Variants in ANK3 observed in about 807,000 individuals in gnomAD.
ANK3 encodes ankyrin 3, also known as ankyrin-3.
In ANK3, 57 loss-of-function variants were observed where a neutral mutation model predicts 370.9. That is an observed-to-expected ratio of 0.15 (90% CI 0.12 to 0.19). The LOEUF is 0.19. Among genes scored for constraint, ANK3 ranks in the 10% least tolerant of loss-of-function variants. The pLI is 1.00. For synonymous variants in ANK3, 1,929 were observed against 1,946.3 expected, an observed-to-expected ratio of 0.99 and a Z score of 0.23; for missense variants, 4,439 against 5,302.1, an observed-to-expected ratio of 0.84 and a Z score of 5.06.
chr10:60,157,031 C>T (rs895211722), intron 23 of ANK3, among the ~76,000 whole-genome samples: 7 of 133,348 alleles, frequency 5.2e-5, no homozygotes, highest in African/African-American at 2.0e-4. Context: ...TGTGGAAGCT[C>T]AATGAATCTT....
intron 1 of ANK3, chr10:60,684,786 T>C: frequency 1.3e-6 from 2 of 1,553,552 alleles, no homozygotes; most frequent in Non-Finnish European, 1.8e-6. Context: ...GATGCACAGA[T>C]GGCATTTTAT....
intron 2 of ANK3, among the ~76,000 whole-genome samples, chr10:60,533,107 T>C (rs912584284): frequency 5.9e-5 from 9 of 152,172 alleles, no homozygotes; most frequent in African/African-American, 2.2e-4. Flanking sequence ...GCTGTTCTCA[T>C]GAACTCAGCT....
chr10:60,542,924 C>T (rs2076881862), intron 2 of ANK3, among the ~76,000 whole-genome samples: 1 of 151,922 alleles, frequency 6.6e-6, no homozygotes, highest in Non-Finnish European at 1.5e-5. Flanking sequence ...GTAATTAACA[C>T]CCTACATACC....
chr10:60,352,969 G>C (rs1281116975), intron 1 of ANK3, among the ~76,000 whole-genome samples: 1 of 151,928 alleles, frequency 6.6e-6, no homozygotes, highest in Non-Finnish European at 1.5e-5. Flanking sequence ...ATGAAAAATA[G>C]GAGGTGTGAA....
At chr10:60,582,046 TCA>T (rs1390662276) in intron 2 of ANK3, among the ~76,000 whole-genome samples, 1 of 152,062 alleles carries the variant, frequency 6.6e-6, no homozygotes, top group African/African-American at 2.4e-5. Context: ...TGGCATATTC[TCA>T]CTCATAAGTG....
chr10:60,372,437 C>CGT (rs10673426), intron 1 of ANK3, among the ~76,000 whole-genome samples: 37,484 of 151,982 alleles, frequency 0.25, 4,848 homozygotes, highest in East Asian at 0.34. Context: ...AAACAGGGAG[C>CGT]GTTTAACTTG....
At chr10:60,095,537 C>T (rs754922741) in intron 28 of ANK3, among the ~76,000 whole-genome samples, 112 of 152,256 alleles carry the variant, frequency 7.4e-4, no homozygotes, top group East Asian at 1.9e-3. Flanking sequence ...TACATCACCA[C>T]GCCCTGCTAA....
chr10:60,452,738 T>C (rs543019024), intron 2 of ANK3, among the ~76,000 whole-genome samples: 1 of 152,366 alleles, frequency 6.6e-6, no homozygotes, highest in Non-Finnish European at 1.5e-5. Flanking sequence ...TTAAATTGTT[T>C]GCAGGTTTTC....
chr10:60,525,807 G>A (rs765275713), intron 2 of ANK3, among the ~76,000 whole-genome samples: 7 of 152,076 alleles, frequency 4.6e-5, no homozygotes, highest in South Asian at 2.1e-4. Flanking sequence ...GCATGCGAAC[G>A]CACTTTGTAA....
At chr10:60,723,543 C>A (rs2079894927) in intron 1 of ANK3, among the ~76,000 whole-genome samples, 1 of 152,152 alleles carries the variant, frequency 6.6e-6, no homozygotes, top group Non-Finnish European at 1.5e-5. Context: ...CAGTTTCTCT[C>A]CAGCTTCTAT....
chr10:60,567,193 T>C (rs1387047978), intron 2 of ANK3, among the ~76,000 whole-genome samples: 1 of 152,194 alleles, frequency 6.6e-6, no homozygotes. Context: ...GAGAAGATCC[T>C]ACCTAGGACT....
At chr10:60,330,916 C>A (rs2051095394) in intron 1 of ANK3, among the ~76,000 whole-genome samples, 1 of 152,138 alleles carries the variant, frequency 6.6e-6, no homozygotes, top group Non-Finnish European at 1.5e-5. Flanking sequence ...CACATATACC[C>A]CATGGAATAC....
rs1437594381 is a variant in ANK3 at position 60,572,741 on chromosome 10, G to C, written c.96+42445C>G. 4 of 1,356,966 alleles carry C rather than the reference G, an allele frequency of 2.9e-6. No individual in the cohort carries two copies. The Admixed American group carries it at 1.4e-4, about 48-fold the overall frequency. The allele number at this position is 1,356,966 out of a possible 1,614,324, so 84.1% of individuals were successfully genotyped here. A position where few individuals can be genotyped will look rare whatever the true frequency, so the allele number is the denominator to read the frequency against. Reference sequence around the variant, plus strand: ...TTCAGCTTTCCTCAGGAAGAAACTGGGTGTTCTCTATATCAAACAGTCAAT... The same window carrying C: ...TTCAGCTTTCCTCAGGAAGAAACTGCGTGTTCTCTATATCAAACAGTCAAT... On this transcript the variant is annotated intron_variant, in intron 2 of 43. Transcript: ENST00000373827.
At chr10:60,055,473 T>TTTTTTTTACCTATGTGTTTAACTCAGTAC (rs1280373521) in intron 42 of ANK3, among the ~76,000 whole-genome samples, 185 bp downstream of exon 42, 4 of 152,194 alleles carry the variant, frequency 2.6e-5, no homozygotes, top group African/African-American at 9.7e-5. Context: ...CTTGGAACTT[T>TTTTTTTTACCTATGTGTTTAACTCAGTAC]TTTTTTTACC....
intron 2 of ANK3, chr10:60,615,122 T>C (rs1029013553): frequency 4.6e-6 from 5 of 1,081,874 alleles, no homozygotes; most frequent in African/African-American, 3.3e-5. Context: ...TGTTTATAAT[T>C]GTAAGAAGAA....
At position 60,060,120 on chromosome 10, in the gene ANK3, T is replaced by C. The variant is rs993706368; in HGVS notation, c.12596-690A>G. The stretch of plus-strand genomic sequence containing the variant: ...TGAAAAATGTATGATGAATTACAGA[T>C]TAATGTCAATAAATTTATCGGTTTA... On this transcript the variant is annotated intron_variant, in intron 40 of 43. Coordinates refer to ENST00000280772, the MANE Select transcript of ANK3 (RefSeq NM_020987.5). 5 of 744,246 alleles carry C rather than the reference T, an allele frequency of 6.7e-6. No individual in the cohort carries two copies. The African/African-American group carries it at 7.1e-5, about 11-fold the overall frequency. 46.1% of individuals were successfully genotyped at this position (744,246 alleles called of 1,614,324 possible).
At chr10:60,078,557 G>T (rs1162804948) in intron 36 of ANK3, among the ~76,000 whole-genome samples, 1 of 152,098 alleles carries the variant, frequency 6.6e-6, no homozygotes, top group African/African-American at 2.4e-5. Flanking sequence ...TTTGAACCAC[G>T]TCTATGGTTT....
chr10:60,674,770 T>C (rs752308270), intron 1 of ANK3, among the ~76,000 whole-genome samples: 56 of 152,212 alleles, frequency 3.7e-4, no homozygotes, highest in Non-Finnish European at 7.5e-4. Flanking sequence ...CTGATTTATA[T>C]AGCCATAACA....
At chr10:60,058,965 G>A (rs1294331997) in intron 41 of ANK3, among the ~76,000 whole-genome samples, 1 of 152,122 alleles carries the variant, frequency 6.6e-6, no homozygotes, top group Non-Finnish European at 1.5e-5. Context: ...ATGTTGGCCA[G>A]GCTGGTCTTG....
Sources: allele counts gnomAD v4.1 joint callset (sites outside exome capture counted in the v4.1 genomes callset), GRCh38; gene constraint gnomAD v4.1.1; transcripts MANE v1.5; gene names NCBI Gene and HGNC (gene_info 2026-07-23, HGNC 2026-07-21).